ERBB3: variants seen among roughly 807,000 people sequenced by gnomAD.
ERBB3 encodes the protein receptor tyrosine-protein kinase erbB-3.
ERBB3 carries 96 observed loss-of-function variants against 156.7 expected under a neutral mutation model. That is an observed-to-expected ratio of 0.61 (90% CI 0.52 to 0.73). ERBB3 has a LOEUF of 0.73. Among genes scored for constraint, ERBB3 ranks in the 30% least tolerant of loss-of-function variants. The pLI, the probability that ERBB3 is intolerant of heterozygous loss-of-function variation, is 0.00. For synonymous variants in ERBB3, 567 were observed against 632.0 expected, an observed-to-expected ratio of 0.90 and a Z score of 1.54; for missense variants, 1,406 against 1,709.4, an observed-to-expected ratio of 0.82 and a Z score of 3.13.
At chr12:56,096,983 T>C in intron 19 of ERBB3, 62 bp from the exon 20 acceptor site, 1 of 1,551,900 alleles carries the variant, frequency 6.4e-7, no homozygotes, top group Non-Finnish European at 8.9e-7. Context: ...GGGCTGGCTG[T>C]GCACATGCTG....
intron 9 of ERBB3, among the ~76,000 whole-genome samples, chr12:56,090,040 G>C (rs894620381): frequency 6.7e-6 from 1 of 149,684 alleles, no homozygotes; most frequent in Non-Finnish European, 1.5e-5. Context: ...CCCCAGGCTA[G>C]AGTGCAGTGG....
chr12:56,097,798 T>C lies in ERBB3; in HGVS notation c.2474T>C (p.Leu825Pro), dbSNP rs754433840. 4 of 1,613,842 alleles carry C rather than the reference T, an allele frequency of 2.5e-6. No individual in the cohort carries two copies. The highest frequency in any genetic ancestry group is 3.4e-6 in the Non-Finnish European group (4 of 1,179,876). ...GVQIAKGMYY[L>P]EEHGMVHRNL... ...CTATACCTACAGGGAATGTACTACC[T>C]TGAGGAACATGGTATGGTGCATAGA... The change falls in exon 21 of 28, where the codon CTT becomes CCT. Residue 825 changes from leucine to proline, a missense_variant. Around this residue, in one of 3 missense-constraint regions of ERBB3, gnomAD observed 979 missense variants for 1,219.6 expected, o/e 0.80. Coordinates refer to ENST00000267101, the MANE Select transcript of ERBB3 (RefSeq NM_001982.4).
chr12:56,101,504 C>T (rs1288123872), intron 27 of ERBB3, 25 bp from the exon 28 acceptor site: 2 of 1,612,350 alleles, frequency 1.2e-6, no homozygotes, highest in African/African-American at 1.3e-5. Flanking sequence ...TCTTCACATA[C>T]CTAGCCTTTC....
rs1479967163 is a variant in ERBB3, at chr12:56,088,807, G to A, written c.1048G>A (p.Gly350Arg). Reference sequence around the variant, plus strand: ...GACTGTGGACTCGAGCAACATTGATGGATTTGTGAACTGCACCAAGATCCT... The same window carrying A: ...GACTGTGGACTCGAGCAACATTGATAGATTTGTGAACTGCACCAAGATCCT... ...FQTVDSSNID[G>R]FVNCTKILGN... Residue 350 changes from glycine (G) to arginine (R), a missense_variant, in exon 9 of 28, where the codon GGA becomes AGA. By Grantham distance (125) the Gly-to-Arg change is moderately radical. Around this residue, in one of 3 missense-constraint regions of ERBB3, gnomAD observed 979 missense variants for 1,219.6 expected, o/e 0.80. Coordinates refer to ENST00000267101, the MANE Select transcript of ERBB3 (RefSeq NM_001982.4). The A allele has an allele frequency of 6.8e-6, 11 of 1,614,142 alleles. No homozygotes were observed. The African/African-American group carries it at 9.3e-5, about 14-fold the overall frequency.
At chr12:56,096,686 T>A in intron 18 of ERBB3, 62 bp from the exon 19 acceptor site, 1 of 1,613,498 alleles carries the variant, frequency 6.2e-7, no homozygotes, top group Non-Finnish European at 8.5e-7. Context: ...GGTGAAAGAT[T>A]TTTGCATAGG....
At position 56,094,189 on chromosome 12, in the gene ERBB3, G is replaced by T. The variant is rs746440071; in HGVS notation, c.1704G>T (p.Ser568=). ...PMEGTATCNG[S]GSDTCAQCAH... ...AGGGCACTGCCACATGCAATGGCTC[G>T]GTATACTAGTAGCACCAGGATCTCC... is the stretch of plus-strand genomic sequence containing the variant. The change falls in exon 14 of 28, where the codon TCG becomes TCT. Residue 568 remains serine (S), a splice_region_variant and synonymous_variant. Coordinates refer to ENST00000267101, the MANE Select transcript of ERBB3 (RefSeq NM_001982.4). 2 of 1,612,184 alleles carry T rather than the reference G, an allele frequency of 1.2e-6. No homozygotes were observed. The highest frequency in any genetic ancestry group is 1.7e-6 in the Non-Finnish European group (2 of 1,178,312).
At chr12:56,099,183 T>G (rs1032707227) in intron 23 of ERBB3, among the ~76,000 whole-genome samples, 5 of 149,884 alleles carry the variant, frequency 3.3e-5, no homozygotes, top group Admixed American at 2.7e-4. Context: ...CTCAAACTCC[T>G]GACCTCAGGT....
intron 11 of ERBB3, 45 bp downstream of exon 11, chr12:56,093,121 C>G: frequency 7.0e-7 from 1 of 1,428,454 alleles, no homozygotes; most frequent in East Asian, 2.3e-5. Flanking sequence ...GGCAATGAAG[C>G]CTGTGTCATA....
chr12:56,085,237 C>G, intron 3 of ERBB3, 56 bp downstream of exon 3: 1 of 1,613,814 alleles, frequency 6.2e-7, no homozygotes, highest in Non-Finnish European at 8.5e-7. Flanking sequence ...AAGACTGGTA[C>G]CTCCTTGATG....
In ERBB3 at chr12:56,101,130, T is replaced by C. The variant is rs761919744; in HGVS notation, c.3271T>C (p.Cys1091Arg). The C allele has an allele frequency of 7.4e-6, 12 of 1,613,948 alleles. No individual in the cohort carries two copies. Among genetic ancestry groups the C allele is most frequent in the Non-Finnish European group, 1.0e-5 (12 of 1,179,838 alleles). ...CTCTCTACACCCAATGCCACGGGGA[T>C]GCCTGGCATCAGAGTCATCAGAGGG... is the stretch of plus-strand genomic sequence containing the variant. ...PVSLHPMPRGCLASESSEGHV... is the reference protein window; with the variant it reads ...PVSLHPMPRGRLASESSEGHV... Residue 1091 changes from cysteine to arginine, a missense_variant, in exon 27 of 28, where the codon TGC (cysteine) becomes CGC (arginine). This residue lies in a region of ERBB3 where 415 missense variants were observed against 454.1 expected (regional missense o/e 0.91). Coordinates refer to ENST00000267101, the MANE Select transcript of ERBB3 (RefSeq NM_001982.4).
At position 56,095,654 on chromosome 12, in the gene ERBB3, A is replaced by T; in HGVS notation, c.1914-11A>T. On this transcript the variant is annotated splice_polypyrimidine_tract_variant and intron_variant, in intron 16 of 27. Coordinates refer to ENST00000267101, the MANE Select transcript of ERBB3 (RefSeq NM_001982.4). ...ACCCAGGATAATGTTGGGTTTCTATATATCCCATAGCAAAACCCATCTGAC... is the reference window on the plus strand; with the variant it reads ...ACCCAGGATAATGTTGGGTTTCTATTTATCCCATAGCAAAACCCATCTGAC... The T allele has an allele frequency of 6.2e-7, 1 of 1,614,126 alleles. No homozygotes were observed. Among genetic ancestry groups the T allele is most frequent in the Non-Finnish European group, 8.5e-7 (1 of 1,179,970 alleles).
rs1869178041 is a variant in ERBB3 at position 56,103,014 on chromosome 12, G to C, written c.*959G>C. 2 of 229,118 alleles carry C rather than the reference G, an allele frequency of 8.7e-6. No individual in the cohort carries two copies. The highest frequency in any genetic ancestry group is 5.7e-5 in the Admixed American group (1 of 17,554). The allele number at this position is 229,118 out of a possible 1,614,324, so 14.2% of individuals were successfully genotyped here. The stretch of plus-strand genomic sequence containing the variant: ...GCCTTAAAGAGATGAAATAAATTAA[G>C]CAGTAGATCCAGGATGCAAAATCCT... On this transcript the variant is annotated 3_prime_UTR_variant, in exon 28 of 28. Coordinates refer to ENST00000267101, the MANE Select transcript of ERBB3 (RefSeq NM_001982.4).
Position 56,094,418 on chromosome 12 carries a change from C to T in ERBB3, c.1721C>T (p.Ala574Val), listed in dbSNP as rs1555212089. ...TCNGSGSDTC[A>V]QCAHFRDGPH... ...TCCACTCAGGGCTCTGATACTTGTG[C>T]TCAATGTGCCCATTTTCGAGATGGG... The change falls in exon 15 of 28, where the codon GCT (alanine) becomes GTT (valine). Residue 574 changes from alanine to valine, a missense_variant. This residue lies in a region of ERBB3 where 979 missense variants were observed against 1,219.6 expected (regional missense o/e 0.80). Coordinates refer to ENST00000267101, the MANE Select transcript of ERBB3 (RefSeq NM_001982.4). 5 of 1,614,144 alleles carry T rather than the reference C, an allele frequency of 3.1e-6. No individual in the cohort carries two copies. The South Asian group carries it at 3.3e-5, about 11-fold the overall frequency.
At position 56,102,050 on chromosome 12, in the gene ERBB3, A is replaced by G; in HGVS notation, c.4024A>G (p.Thr1342Ala). Residue 1342 changes from threonine (T) to alanine (A), a missense_variant, in exon 28 of 28, where the codon ACG becomes GCG. Thr to Ala is a moderately conservative substitution (Grantham distance 58). Coordinates refer to ENST00000267101, the MANE Select transcript of ERBB3 (RefSeq NM_001982.4). ...TTTCCCCAAGGCTAATGCCCAGAGA[A>G]CGTAACTCCTGCTCCCTGTGGCACT... ...RLFPKANAQRT is the reference protein window; with the variant it reads ...RLFPKANAQRA 1 of 1,607,942 alleles carries G rather than the reference A, an allele frequency of 6.2e-7. No homozygotes were observed. The highest frequency in any genetic ancestry group is 8.5e-7 in the Non-Finnish European group (1 of 1,179,904).
At chr12:56,089,909 T>G (rs1175037438) in intron 9 of ERBB3, among the ~76,000 whole-genome samples, 1 of 2,080 alleles carries the variant, frequency 4.8e-4, no homozygotes, top group Non-Finnish European at 0.016. Flanking sequence ...GACCACCTGT[T>G]TTTTTTTTTC....
chr12:56,084,344 C>G (rs541376085), intron 2 of ERBB3, among the ~76,000 whole-genome samples: 18 of 152,322 alleles, frequency 1.2e-4, no homozygotes, highest in Non-Finnish European at 1.5e-5. Context: ...GGTGCAGTGG[C>G]TCATGCCTGT....
chr12:56,098,660 C>G (rs758119433), intron 22 of ERBB3, 85 bp downstream of exon 22: 38 of 1,568,916 alleles, frequency 2.4e-5, no homozygotes, highest in Non-Finnish European at 3.3e-5. Flanking sequence ...AATCTCTAAG[C>G]ACTTCAGATT....
In ERBB3 at chr12:56,095,716, T is replaced by C; in HGVS notation, c.1965T>C (p.Ile655=). 1 of 1,614,094 alleles carries C rather than the reference T, an allele frequency of 6.2e-7. No individual in the cohort carries two copies. Among genetic ancestry groups the C allele is most frequent in the East Asian group, 2.2e-5 (1 of 44,896 alleles). The change falls in exon 17 of 28, where the codon ATT becomes ATC. Residue 655 remains isoleucine, a synonymous_variant. Coordinates refer to ENST00000267101, the MANE Select transcript of ERBB3 (RefSeq NM_001982.4). ...CAGTGATAGCAGGATTGGTAGTGAT[T>C]TTCATGATGCTGGGCGGCACTTTTC... ...ALTVIAGLVV[I]FMMLGGTFLY... is the part of the protein sequence containing the mutation.
rs759764423 is a variant in ERBB3 at position 56,098,851 on chromosome 12, C to A, written c.2785C>A (p.Arg929=). 6.2e-7 allele frequency: 1 copy of A among 1,613,698 alleles called. No homozygotes were observed. The highest frequency in any genetic ancestry group is 8.5e-7 in the Non-Finnish European group (1 of 1,179,818). ...EVPDLLEKGE[R]LAQPQICTID... ...ACCAGACCTGCTAGAGAAGGGGGAGCGGTTGGCACAGCCCCAGATCTGCAC... is the reference window on the plus strand; with the variant it reads ...ACCAGACCTGCTAGAGAAGGGGGAGAGGTTGGCACAGCCCCAGATCTGCAC... Residue 929 remains arginine (R), a synonymous_variant, in exon 23 of 28, where the codon CGG becomes AGG. Coordinates refer to ENST00000267101, the MANE Select transcript of ERBB3 (RefSeq NM_001982.4).
Sources: gnomAD v4.1 joint callset for allele counts (sites outside exome capture counted in the v4.1 genomes callset) on GRCh38, gnomAD v4.1.1 for gene constraint, gnomAD v4.1.1 regional missense constraint, MANE v1.5 for transcripts, NCBI Gene and HGNC (gene_info 2026-07-23, HGNC 2026-07-21) for gene names.